Variants in DNAH5 observed in about 807,000 individuals in gnomAD.
DNAH5 encodes the protein dynein axonemal heavy chain 5.
In DNAH5, 372 loss-of-function variants were observed where a neutral mutation model predicts 518.2. That is an observed-to-expected ratio of 0.72 (90% CI 0.66 to 0.78). DNAH5 has a LOEUF of 0.78. DNAH5 is among the 30% of genes least tolerant of loss of function. The pLI is 0.00. For missense variants in DNAH5, 5,523 were observed against 5,687.0 expected, an observed-to-expected ratio of 0.97 and a Z score of 0.93; for synonymous variants, 2,039 against 2,025.9, an observed-to-expected ratio of 1.01 and a Z score of -0.17.
At chr5:13,748,264 C>T (rs1201684301) in intron 65 of DNAH5, among the ~76,000 whole-genome samples, 2 of 152,184 alleles carry the variant, frequency 1.3e-5, no homozygotes, top group African/African-American at 4.8e-5. Context: ...CAGTACCATG[C>T]TGTTTTCGTT....
At chr5:13,886,875 T>C (rs961059938) in intron 17 of DNAH5, among the ~76,000 whole-genome samples, 3 of 152,244 alleles carry the variant, frequency 2.0e-5, no homozygotes, top group South Asian at 2.1e-4. Flanking sequence ...GAACTCACTG[T>C]AGTTTTTGCA....
At chr5:14,003,382 G>T (rs1375116670) in intron 1 of DNAH5, among the ~76,000 whole-genome samples, 1 of 152,280 alleles carries the variant, frequency 6.6e-6, no homozygotes, top group East Asian at 1.9e-4. Flanking sequence ...GAATAATAGA[G>T]ATTCACTTAT....
intron 1 of DNAH5, among the ~76,000 whole-genome samples, chr5:14,005,930 A>G (rs1784694644): frequency 6.6e-6 from 1 of 152,216 alleles, no homozygotes; most frequent in Non-Finnish European, 1.5e-5. Context: ...CACCAGGGAC[A>G]AGGGACTCAG....
chr5:13,867,857 G>T lies in DNAH5; in HGVS notation c.3970C>A (p.Gln1324Lys), dbSNP rs1769504913. ...ATAAGCTCTTTCTTGAAACTGGGCT[G>T]CAGTGAGACTAATTTATTCTGGACT... ...GEVQNKLVSLQPSFKKELISA... is the reference protein window; with the variant it reads ...GEVQNKLVSLKPSFKKELISA... The change falls in exon 25 of 79, where the codon CAG becomes AAG. Residue 1324 changes from glutamine to lysine, a missense_variant. Transcript: ENST00000265104. The T allele has an allele frequency of 6.2e-7, 1 of 1,613,970 alleles. No homozygotes were observed. Among genetic ancestry groups the T allele is most frequent in the Non-Finnish European group, 8.5e-7 (1 of 1,179,992 alleles).
intron 51 of DNAH5, 105 bp from the exon 52 acceptor site, chr5:13,786,456 T>A: frequency 8.4e-7 from 1 of 1,186,088 alleles, no homozygotes; most frequent in Non-Finnish European, 1.2e-6. Flanking sequence ...TGAATAACAT[T>A]CATTTTAAGC....
upstream of DNAH5, among the ~76,000 whole-genome samples, chr5:13,947,708 C>T (rs191393767): frequency 3.9e-5 from 6 of 152,270 alleles, no homozygotes; most frequent in East Asian, 1.9e-4. Flanking sequence ...ACTAGCTACA[C>T]GTTTTTCATG....
At chr5:13,989,878 T>A in intron 1 of DNAH5, among the ~76,000 whole-genome samples, 1 of 152,266 alleles carries the variant, frequency 6.6e-6, no homozygotes, top group East Asian at 1.9e-4. Context: ...CTTGTCTTAT[T>A]TTCAGTCACT....
Position 13,727,504 on chromosome 5 carries a change from T to C in DNAH5, c.12033+3A>G. 1 of 1,612,004 alleles carries C rather than the reference T, an allele frequency of 6.2e-7. No individual in the cohort carries two copies. The highest frequency in any genetic ancestry group is 1.3e-5 in the African/African-American group (1 of 75,046). On this transcript the variant is annotated splice_donor_region_variant and intron_variant, in intron 70 of 78. Coordinates refer to ENST00000265104, the MANE Select transcript of DNAH5 (RefSeq NM_001369.3). ...ATTTTTCTCTTTAATATGGACTTTT[T>C]ACCTGGGCGATGGTTCTGTCAGGAC... is the stretch of plus-strand genomic sequence containing the variant.
rs771377608 is a variant in DNAH5, at chr5:13,920,508, A to T, written c.770T>A (p.Met257Lys). ...PETLGKIEDC[M>K]KVWIKQTEQV... ...TTCTGTCTGTTTGATCCATACTTTC[A>T]TGCAATCCTCTATTTTTCCCAAAGT... Residue 257 changes from methionine to lysine, a missense_variant, in exon 6 of 79, where the codon ATG becomes AAG. By Grantham distance (95) the Met-to-Lys change is moderately conservative (BLOSUM62 -1). Coordinates refer to ENST00000265104, the MANE Select transcript of DNAH5 (RefSeq NM_001369.3). 6.2e-7 allele frequency: 1 copy of T among 1,614,166 alleles called. No individual in the cohort carries two copies. The highest frequency in any genetic ancestry group is 8.5e-7 in the Non-Finnish European group (1 of 1,180,012).
At chr5:13,846,049 G>A (rs914046008) in intron 31 of DNAH5, among the ~76,000 whole-genome samples, 49 of 150,600 alleles carry the variant, frequency 3.3e-4, no homozygotes, top group Admixed American at 3.2e-3. Context: ...ATGTTAGCCA[G>A]GCTAGTCTCT....
At chr5:13,983,727 T>C (rs1190746803) in intron 1 of DNAH5, among the ~76,000 whole-genome samples, 1 of 152,190 alleles carries the variant, frequency 6.6e-6, no homozygotes, top group Non-Finnish European at 1.5e-5. Context: ...CTGGATGACA[T>C]CATTTCCTGT....
intron 30 of DNAH5, among the ~76,000 whole-genome samples, chr5:13,857,969 A>C (rs1767860172): frequency 6.6e-6 from 1 of 152,212 alleles, no homozygotes. Context: ...TTAATGACTA[A>C]AACACCAAAA....
chr5:13,945,670 A>C (rs1779852776), upstream of DNAH5, among the ~76,000 whole-genome samples: 4 of 151,878 alleles, frequency 2.6e-5, no homozygotes, highest in South Asian at 8.3e-4. Context: ...CAGTTGCGTG[A>C]CCACCACTCA....
chr5:13,840,160 A>C (rs1006184506), intron 34 of DNAH5, among the ~76,000 whole-genome samples: 1 of 152,212 alleles, frequency 6.6e-6, no homozygotes, highest in Non-Finnish European at 1.5e-5. Context: ...TAGTGTGCTT[A>C]ACTATTAAGA....
intron 47 of DNAH5, among the ~76,000 whole-genome samples, chr5:13,802,373 C>T (rs924802372): frequency 1.3e-5 from 2 of 152,080 alleles, no homozygotes; most frequent in African/African-American, 2.4e-5. Flanking sequence ...AACCTAGGGA[C>T]AATTCAATTA....
At chr5:13,956,627 C>T (rs547106845) in intron 1 of DNAH5, among the ~76,000 whole-genome samples, 2 of 152,306 alleles carry the variant, frequency 1.3e-5, no homozygotes, top group South Asian at 4.1e-4. Flanking sequence ...CCCATGCGTG[C>T]CCCTAGTTAG....
intron 1 of DNAH5, among the ~76,000 whole-genome samples, chr5:14,005,621 TC>T (rs1402098009): frequency 2.0e-5 from 3 of 152,226 alleles, no homozygotes; most frequent in Non-Finnish European, 4.4e-5. Context: ...TCCTTTTAAG[TC>T]ATCGTTGCAC....
At chr5:13,899,401 T>C (rs902949971) in intron 15 of DNAH5, 1 of 152,342 alleles carries the variant, frequency 6.6e-6, no homozygotes, top group Non-Finnish European at 1.5e-5. Context: ...AGAGATCTCA[T>C]CCAGGACAAT....
intron 52 of DNAH5, among the ~76,000 whole-genome samples, chr5:13,782,651 G>T (rs761486878): frequency 6.6e-6 from 1 of 152,194 alleles, no homozygotes; most frequent in Admixed American, 6.5e-5. Context: ...TTTGATGTAG[G>T]TGGATATATC....
Sources: gnomAD v4.1 joint callset for allele counts (sites outside exome capture counted in the v4.1 genomes callset) on GRCh38, gnomAD v4.1.1 for gene constraint, MANE v1.5 for transcripts, NCBI Gene and HGNC (gene_info 2026-07-23, HGNC 2026-07-21) for gene names.